PCDH9: variants seen among roughly 807,000 people sequenced by gnomAD.
The protein encoded by PCDH9 is protocadherin-9.
A neutral mutation model predicts 70.6 loss-of-function variants in PCDH9; 24 were observed. That is an observed-to-expected ratio of 0.34 (90% CI 0.25 to 0.48). PCDH9 has a LOEUF of 0.48. Ranked by LOEUF, PCDH9 falls within the 20% of genes least tolerant of loss-of-function variation. The pLI is 0.99. For synonymous variants in PCDH9, 562 were observed against 558.5 expected (o/e 1.01, Z -0.09); for missense variants, 1,281 against 1,503.6 (o/e 0.85, Z 2.45).
intron 4 of PCDH9, among the ~76,000 whole-genome samples, chr13:66,345,243 A>G (rs987210781): frequency 6.6e-6 from 1 of 152,052 alleles, no homozygotes; most frequent in Non-Finnish European, 1.5e-5. Context: ...TGACTGCTTT[A>G]TTTCTCTCAG....
chr13:66,389,759 C>T (rs934345426), intron 4 of PCDH9, among the ~76,000 whole-genome samples: 2 of 152,116 alleles, frequency 1.3e-5, no homozygotes, highest in African/African-American at 2.4e-5. Context: ...GCTTCCTAAA[C>T]GCTAATCTTC....
At chr13:66,432,064 T>C (rs763015926) in intron 4 of PCDH9, among the ~76,000 whole-genome samples, 27 of 152,066 alleles carry the variant, frequency 1.8e-4, no homozygotes, top group Non-Finnish European at 3.4e-4. Flanking sequence ...CAAGTTTTTC[T>C]TCTGTGCAGT....
chr13:67,046,743 C>A, intron 2 of PCDH9, among the ~76,000 whole-genome samples: 1 of 151,712 alleles, frequency 6.6e-6, no homozygotes, highest in Non-Finnish European at 1.5e-5. Flanking sequence ...TATATTTTAA[C>A]AACAATAGAA....
chr13:66,927,518 C>T (rs545611221), intron 2 of PCDH9, among the ~76,000 whole-genome samples: 2 of 151,986 alleles, frequency 1.3e-5, no homozygotes, highest in Non-Finnish European at 2.9e-5. Context: ...TGTAACAAAC[C>T]TGCACGTGGA....
At chr13:66,471,516 AACAC>A (rs1283991971) in intron 4 of PCDH9, among the ~76,000 whole-genome samples, 9 of 152,230 alleles carry the variant, frequency 5.9e-5, no homozygotes, top group Non-Finnish European at 1.5e-5. Context: ...AAATTACCAA[AACAC>A]TGACATATTT....
At chr13:66,764,858 C>T (rs41378952) in intron 3 of PCDH9, among the ~76,000 whole-genome samples, 2,243 of 151,868 alleles carry the variant, frequency 0.015, 87 homozygotes, top group African/African-American at 0.051. Flanking sequence ...TGAAATAGCG[C>T]TAAAAATACA....
intron 2 of PCDH9, chr13:67,213,480 TG>T (rs2089521451): frequency 6.6e-6 from 1 of 152,052 alleles, no homozygotes; most frequent in Admixed American, 6.5e-5. Context: ...TGTCTGCCTA[TG>T]TGGTGGGATT....
intron 3 of PCDH9, among the ~76,000 whole-genome samples, chr13:66,843,584 G>A (rs940857608): frequency 6.6e-6 from 1 of 152,210 alleles, no homozygotes; most frequent in Non-Finnish European, 1.5e-5. Context: ...GGACAAGCAA[G>A]GCCCATTAGA....
At chr13:67,107,164 T>C (rs949406529) in intron 2 of PCDH9, among the ~76,000 whole-genome samples, 2 of 150,864 alleles carry the variant, frequency 1.3e-5, no homozygotes, top group African/African-American at 4.9e-5. Context: ...CAGCCCCAAA[T>C]GAGATCTTAT....
At chr13:66,849,063 T>A (rs1462396910) in intron 3 of PCDH9, among the ~76,000 whole-genome samples, 1 of 152,186 alleles carries the variant, frequency 6.6e-6, no homozygotes, top group African/African-American at 2.4e-5. Context: ...ATTAGCGTTT[T>A]AGAATATGAT....
intron 2 of PCDH9, among the ~76,000 whole-genome samples, chr13:67,069,568 C>A (rs2085718197): frequency 6.6e-6 from 1 of 152,154 alleles, no homozygotes; most frequent in Admixed American, 6.6e-5. Flanking sequence ...TACAAGCCTG[C>A]TTAATTCCCT....
chr13:66,934,881 C>T (rs2082888784), intron 2 of PCDH9, among the ~76,000 whole-genome samples: 3 of 148,368 alleles, frequency 2.0e-5, no homozygotes, highest in Non-Finnish European at 3.0e-5. Flanking sequence ...CTACCACGCC[C>T]GGCTAATTTT....
chr13:66,723,314 C>T (rs970251118), intron 3 of PCDH9, among the ~76,000 whole-genome samples: 1 of 151,636 alleles, frequency 6.6e-6, no homozygotes, highest in African/African-American at 2.4e-5. Context: ...AAGAGGTTTC[C>T]ATATATAACA....
At chr13:66,508,407 T>C (rs1397632858) in intron 4 of PCDH9, among the ~76,000 whole-genome samples, 3 of 152,204 alleles carry the variant, frequency 2.0e-5, no homozygotes, top group African/African-American at 7.2e-5. Context: ...TGATTTTATG[T>C]TATGTGGATT....
intron 4 of PCDH9, among the ~76,000 whole-genome samples, chr13:66,598,941 AAGT>A (rs2077133674): frequency 1.3e-5 from 2 of 151,980 alleles, no homozygotes; most frequent in South Asian, 4.2e-4. Context: ...GTGATAATCA[AAGT>A]AGCATATAAT....
chr13:66,774,223 G>A (rs1055837584), intron 3 of PCDH9, among the ~76,000 whole-genome samples: 2 of 152,228 alleles, frequency 1.3e-5, no homozygotes, highest in African/African-American at 4.8e-5. Flanking sequence ...AAGACCACAG[G>A]GGACAGACTT....
At chr13:66,477,790 T>C (rs908891171) in intron 4 of PCDH9, among the ~76,000 whole-genome samples, 2 of 152,184 alleles carry the variant, frequency 1.3e-5, no homozygotes, top group African/African-American at 2.4e-5. Flanking sequence ...AAAGATAAGG[T>C]GATAAAAATC....
intron 2 of PCDH9, chr13:67,205,060 T>C (rs1282142290): frequency 2.0e-5 from 3 of 152,192 alleles, no homozygotes; most frequent in Non-Finnish European, 2.9e-5. Context: ...AATGTACAGA[T>C]AAAAACTTCC....
At chr13:66,599,479 C>T (rs1164672673) in intron 4 of PCDH9, among the ~76,000 whole-genome samples, 1 of 151,672 alleles carries the variant, frequency 6.6e-6, no homozygotes, top group Non-Finnish European at 1.5e-5. Flanking sequence ...ACTGTTTTTA[C>T]TTTCTAAAAA....
Sources: allele counts gnomAD v4.1 joint callset (sites outside exome capture counted in the v4.1 genomes callset), GRCh38; gene constraint gnomAD v4.1.1; transcripts MANE v1.5; gene names NCBI Gene and HGNC (gene_info 2026-07-23, HGNC 2026-07-21).